HLCS: variants seen among roughly 807,000 people sequenced by gnomAD.
HLCS encodes biotin--protein ligase.
HLCS carries 53 observed loss-of-function variants against 75.0 expected under a neutral mutation model. The observed-to-expected ratio is 0.71, with a 90% CI of 0.57 to 0.89. The LOEUF (loss-of-function observed/expected upper bound fraction) is 0.89, where lower values mean the gene tolerates loss of function less well. HLCS is among the 40% of genes least tolerant of loss of function. HLCS has a pLI of 0.00. For synonymous variants in HLCS, 431 were observed against 428.6 expected, an observed-to-expected ratio of 1.01 and a Z score of -0.07; for missense variants, 966 against 1,074.0, an observed-to-expected ratio of 0.90 and a Z score of 1.41.
chr21:36,889,029 T>C (rs2064657673), intron 6 of HLCS, among the ~76,000 whole-genome samples: 1 of 152,154 alleles, frequency 6.6e-6, no homozygotes, highest in African/African-American at 2.4e-5. Context: ...AGGATCTCCT[T>C]CTGCAAACGC....
intron 5 of HLCS, among the ~76,000 whole-genome samples, chr21:36,916,141 TAAAAAAAATC>T (rs2065917222): frequency 6.6e-6 from 1 of 151,776 alleles, no homozygotes; most frequent in East Asian, 1.9e-4. Flanking sequence ...ACAAACCACC[TAAAAAAAATC>T]TTATGGAAGT....
intron 5 of HLCS, among the ~76,000 whole-genome samples, chr21:36,926,356 G>GTCAC (rs753602347): frequency 2.6e-5 from 4 of 152,288 alleles, no homozygotes; most frequent in South Asian, 4.1e-4. Flanking sequence ...ATGAACAAGA[G>GTCAC]TCACGTGTTT....
At chr21:36,848,090 A>T (rs1460530359) in intron 6 of HLCS, among the ~76,000 whole-genome samples, 2 of 152,152 alleles carry the variant, frequency 1.3e-5, no homozygotes, top group Non-Finnish European at 2.9e-5. Flanking sequence ...GAACATCCAC[A>T]TATATAAAAC....
rs371110113 is a variant in HLCS at position 36,932,344 on chromosome 21, T to C, written c.1438-1911A>G. On this transcript the variant is annotated intron_variant, in intron 4 of 10. Coordinates refer to ENST00000674895, the MANE Select transcript of HLCS (RefSeq NM_001352514.2). ...TGGTTTCATTGTTTGTCATTTCACTTAAGGGTGCAGTTTCCAAGAATCTAT... is the reference window on the plus strand; with the variant it reads ...TGGTTTCATTGTTTGTCATTTCACTCAAGGGTGCAGTTTCCAAGAATCTAT... 2.0e-5 allele frequency among the ~76,000 whole-genome samples: 3 copies of C among 152,344 alleles called. No homozygotes were observed. The South Asian group carries it at 6.2e-4, about 32-fold the overall frequency.
chr21:36,796,410 C>A (rs1194030461), intron 6 of HLCS, among the ~76,000 whole-genome samples: 2 of 152,162 alleles, frequency 1.3e-5, no homozygotes, highest in Non-Finnish European at 2.9e-5. Flanking sequence ...CTAGGTCAGT[C>A]CAAATGATCT....
intron 6 of HLCS, among the ~76,000 whole-genome samples, chr21:36,788,707 A>T (rs1390849775): frequency 6.6e-6 from 1 of 152,228 alleles, no homozygotes; most frequent in Non-Finnish European, 1.5e-5. Context: ...TATTAAAAGG[A>T]TCCTGAAGTT....
chr21:36,815,027 CT>C (rs1195265718), intron 6 of HLCS, among the ~76,000 whole-genome samples: 217 of 129,138 alleles, frequency 1.7e-3, no homozygotes, highest in Middle Eastern at 8.1e-3. Flanking sequence ...TGAAGCTTTG[CT>C]TTTTTTTTTT....
intron 8 of HLCS, among the ~76,000 whole-genome samples, chr21:36,761,773 C>A (rs942209429): frequency 2.6e-5 from 4 of 152,194 alleles, no homozygotes; most frequent in Non-Finnish European, 5.9e-5. Context: ...GTTCCCTTTC[C>A]TTCCCCTCTC....
At chr21:36,850,947 GGCGAGGATAT>G (rs2062980077) in intron 6 of HLCS, among the ~76,000 whole-genome samples, 1 of 152,162 alleles carries the variant, frequency 6.6e-6, no homozygotes, top group South Asian at 2.1e-4. Flanking sequence ...GGAGGGGTGA[GGCGAGGATAT>G]GCCATTGTTG....
chr21:36,984,534 A>C (rs1460259971), intron 1 of HLCS, among the ~76,000 whole-genome samples: 1 of 152,220 alleles, frequency 6.6e-6, no homozygotes, highest in South Asian at 2.1e-4. Context: ...GTGAGATTTC[A>C]TCGTGCTGTT....
chr21:36,934,460 T>C (rs1334400660), intron 4 of HLCS, among the ~76,000 whole-genome samples: 1 of 152,254 alleles, frequency 6.6e-6, no homozygotes, highest in Non-Finnish European at 1.5e-5. Flanking sequence ...AAACAAAATC[T>C]TTTAAAATCC....
Position 36,885,037 on chromosome 21 carries a change from G to A in HLCS, c.1892+11823C>T, listed in dbSNP as rs182414162. Reference sequence around the variant, plus strand: ...AAAAAAGAGAAGGTTCAATGAAAAAGAGACTTGCTTCACATATAAGAGAAA... The same window carrying A: ...AAAAAAGAGAAGGTTCAATGAAAAAAAGACTTGCTTCACATATAAGAGAAA... On this transcript the variant is annotated intron_variant, in intron 6 of 10. Transcript: ENST00000674895. Among the ~76,000 whole-genome samples, 11 of 152,272 alleles carry A rather than the reference G, an allele frequency of 7.2e-5. No homozygotes were observed. The East Asian group carries it at 2.1e-3, about 29-fold the overall frequency.
At chr21:36,791,214 C>T (rs8131480) in intron 6 of HLCS, among the ~76,000 whole-genome samples, 9,888 of 152,168 alleles carry the variant, frequency 0.065, 402 homozygotes, top group South Asian at 0.17. Flanking sequence ...TAGCAAGAAT[C>T]GCATAAGGAA....
intron 6 of HLCS, among the ~76,000 whole-genome samples, chr21:36,837,752 G>C (rs1445172988): frequency 1.3e-5 from 2 of 152,156 alleles, no homozygotes; most frequent in African/African-American, 4.8e-5. Flanking sequence ...CTGCAATCAT[G>C]AACATTGTAT....
At chr21:36,812,808 C>G (rs2061550418) in intron 6 of HLCS, among the ~76,000 whole-genome samples, 2 of 152,106 alleles carry the variant, frequency 1.3e-5, no homozygotes, top group South Asian at 4.1e-4. Context: ...CCTGTAATCC[C>G]AGCACTTTGG....
At chr21:36,949,010 G>A (rs1047025014) in intron 2 of HLCS, among the ~76,000 whole-genome samples, 9 of 152,230 alleles carry the variant, frequency 5.9e-5, no homozygotes, top group African/African-American at 2.2e-4. Context: ...ATTGTGTTCT[G>A]TAGACAGCCG....
chr21:36,976,312 C>T (rs2068935241), intron 1 of HLCS, among the ~76,000 whole-genome samples: 1 of 152,094 alleles, frequency 6.6e-6, no homozygotes, highest in African/African-American at 2.4e-5. Flanking sequence ...AGGCATGATC[C>T]AAAAGACAAA....
chr21:36,882,086 T>C lies in HLCS; in HGVS notation c.1892+14774A>G, dbSNP rs140347659. On this transcript the variant is annotated intron_variant, in intron 6 of 10. Coordinates refer to ENST00000674895, the MANE Select transcript of HLCS (RefSeq NM_001352514.2). Reference sequence around the variant, plus strand: ...TCCCAAGGTCAGATCATCGAGATCATCCTGGCTAACACGGTGAAACCCCGT... The same window carrying C: ...TCCCAAGGTCAGATCATCGAGATCACCCTGGCTAACACGGTGAAACCCCGT... 6.9e-3 allele frequency among the ~76,000 whole-genome samples: 1,043 copies of C among 152,054 alleles called. 14 individuals carry two copies. The highest frequency in any genetic ancestry group is 0.023 in the African/African-American group (966 of 41,480).
intron 5 of HLCS, among the ~76,000 whole-genome samples, chr21:36,906,519 G>T (rs1012078759): frequency 6.6e-6 from 1 of 152,154 alleles, no homozygotes; most frequent in Admixed American, 6.6e-5. Flanking sequence ...GCGACAGAGC[G>T]AGACCCCATC....
Sources: gnomAD v4.1 joint callset for allele counts (sites outside exome capture counted in the v4.1 genomes callset) on GRCh38, gnomAD v4.1.1 for gene constraint, MANE v1.5 for transcripts, NCBI Gene and HGNC (gene_info 2026-07-23, HGNC 2026-07-21) for gene names.